DMTF1: variants seen among roughly 807,000 people sequenced by gnomAD.
DMTF1 encodes the protein cyclin-D-binding Myb-like transcription factor 1.
DMTF1 carries 39 observed loss-of-function variants against 91.1 expected under a neutral mutation model. The observed-to-expected ratio is 0.43, with a 90% CI of 0.33 to 0.56. The LOEUF (loss-of-function observed/expected upper bound fraction) is 0.56, where lower values mean the gene tolerates loss of function less well. DMTF1 is among the 20% of genes least tolerant of loss of function. DMTF1 has a pLI of 0.05. For missense variants in DMTF1, 750 were observed against 914.5 expected (o/e 0.82, Z 2.32); for synonymous variants, 338 against 309.5 (o/e 1.09, Z -0.97).
rs1422927303 is a variant in DMTF1, at chr7:87,171,083, G to A, written c.321G>A (p.Gln107=). The A allele has an allele frequency of 6.3e-7, 1 of 1,597,612 alleles. No individual in the cohort carries two copies. The highest frequency in any genetic ancestry group is 8.6e-7 in the Non-Finnish European group (1 of 1,166,118). The change falls in exon 5 of 18, where the codon CAG becomes CAA. Residue 107 remains glutamine (Q), a synonymous_variant. Transcript: ENST00000331242. ...AGGTTACTGAGGGGACTGTGACACA[G>A]ATACAGGTATAGTAAATCTTTTAAC... ...DDEVTEGTVT[Q]IQILQNEQLD...
intron 6 of DMTF1, among the ~76,000 whole-genome samples, chr7:87,174,233 C>T (rs567240049): frequency 6.6e-6 from 1 of 152,226 alleles, no homozygotes; most frequent in Admixed American, 6.5e-5. Flanking sequence ...GTTCTTTTTG[C>T]CCATAAAATT....
chr7:87,176,942 G>C (rs1272623073), intron 7 of DMTF1, among the ~76,000 whole-genome samples: 1 of 152,102 alleles, frequency 6.6e-6, no homozygotes, highest in Non-Finnish European at 1.5e-5. Context: ...GAGTGTGGAG[G>C]CAGGAGAATC....
chr7:87,177,087 A>G (rs1239207710), intron 7 of DMTF1, among the ~76,000 whole-genome samples: 1 of 152,070 alleles, frequency 6.6e-6, no homozygotes, highest in South Asian at 2.1e-4. Flanking sequence ...AAATTTAGAA[A>G]TTTTTTGCTG....
intron 4 of DMTF1, among the ~76,000 whole-genome samples, chr7:87,167,099 A>G (rs1794002245): frequency 6.6e-6 from 1 of 152,238 alleles, no homozygotes; most frequent in Admixed American, 6.5e-5. Flanking sequence ...ACAGAAAATT[A>G]TAATAACTTG....
chr7:87,174,563 T>C, intron 6 of DMTF1, 30 bp from the exon 7 acceptor site: 1 of 1,463,602 alleles, frequency 6.8e-7, no homozygotes, highest in Non-Finnish European at 9.5e-7. Flanking sequence ...GAGTAACATT[T>C]TTTATAACAT....
chr7:87,157,302 A>G (rs780149894), intron 1 of DMTF1, among the ~76,000 whole-genome samples: 9 of 152,126 alleles, frequency 5.9e-5, no homozygotes, highest in Non-Finnish European at 1.2e-4. Flanking sequence ...GTTTTATATC[A>G]TGTGGTCTCA....
intron 10 of DMTF1, among the ~76,000 whole-genome samples, chr7:87,183,760 CAGAG>C (rs757159880): frequency 2.1e-5 from 3 of 140,980 alleles, no homozygotes; most frequent in African/African-American, 5.4e-5. Flanking sequence ...AAGAAAAAGA[CAGAG>C]AGGAACATTT....
At position 87,191,001 on chromosome 7, in the gene DMTF1, A is replaced by T; in HGVS notation, c.1468A>T (p.Thr490Ser). ...DSETITLNSG[T>S]LQTFEILPSF... ...AGAAACAATAACACTAAACAGTGGA[A>T]CACTACAGACATTTGAGATTCTTCC... Residue 490 changes from threonine to serine, a missense_variant, in exon 14 of 18, where the codon ACA becomes TCA. Physicochemically the swap from Thr to Ser is moderately conservative, Grantham distance 58. Around this residue, in one of 3 missense-constraint regions of DMTF1, gnomAD observed 410 missense variants for 420.2 expected, o/e 0.98. Coordinates refer to ENST00000331242, the MANE Select transcript of DMTF1 (RefSeq NM_001142327.2). 6.2e-7 allele frequency: 1 copy of T among 1,607,874 alleles called. No homozygotes were observed. The highest frequency in any genetic ancestry group is 1.1e-5 in the South Asian group (1 of 90,292).
chr7:87,161,826 A>G (rs1210364731), intron 1 of DMTF1, among the ~76,000 whole-genome samples: 1 of 152,246 alleles, frequency 6.6e-6, no homozygotes, highest in African/African-American at 2.4e-5. Context: ...AAAAATAACT[A>G]TTGGCAAGAT....
At position 87,179,657 on chromosome 7, in the gene DMTF1, A is replaced by G; in HGVS notation, c.632A>G (p.Tyr211Cys). 6.3e-7 allele frequency: 1 copy of G among 1,585,478 alleles called. No homozygotes were observed. Among genetic ancestry groups the G allele is most frequent in the South Asian group, 1.2e-5 (1 of 84,894 alleles). Residue 211 changes from tyrosine (Y) to cysteine (C), a missense_variant, in exon 8 of 18, where the codon TAT (tyrosine) becomes TGT (cysteine). Physicochemically the swap from Tyr to Cys is radical, Grantham distance 194. This residue lies in a region of DMTF1 where 190 missense variants were observed against 343.8 expected (regional missense o/e 0.55). Transcript: ENST00000331242. The part of the protein sequence containing the change: ...WGLNRPLFAV[Y>C]RRVLRMYDDR... The stretch of plus-strand genomic sequence containing the variant: ...CTGAACCGGCCTTTGTTTGCAGTTT[A>G]TAGAAGAGTGCTTCGCATGTATGAT...
intron 4 of DMTF1, among the ~76,000 whole-genome samples, chr7:87,170,109 T>C (rs1173832084): frequency 6.6e-6 from 1 of 152,214 alleles, no homozygotes; most frequent in Non-Finnish European, 1.5e-5. Context: ...ATTCTTCCAG[T>C]AGTTTTGATT....
In DMTF1 at chr7:87,195,203, A is replaced by G. The variant is rs1304877906; in HGVS notation, c.*63A>G. 25 of 1,183,976 alleles carry G rather than the reference A, an allele frequency of 2.1e-5. No homozygotes were observed. In the South Asian group the frequency reaches 2.8e-4, roughly 13 times the overall value. 73.3% of individuals were successfully genotyped at this position (1,183,976 alleles called of 1,614,324 possible). The stretch of plus-strand genomic sequence containing the variant: ...CACACTGTTAATTACAACCTCTTCA[A>G]AGAAATAGGAGCAACCCCCAAGAGG... On this transcript the variant is annotated 3_prime_UTR_variant, in exon 18 of 18. Transcript: ENST00000331242.
chr7:87,182,077 A>AG, intron 9 of DMTF1, 151 bp from the exon 10 acceptor site: 2 of 1,538,938 alleles, frequency 1.3e-6, no homozygotes, highest in Non-Finnish European at 8.7e-7. Flanking sequence ...CCCCAAAAAA[A>AG]GGCCACACTT....
In DMTF1 at chr7:87,191,036, C is replaced by T. The variant is rs779130829; in HGVS notation, c.1494+9C>T. 14 of 1,550,284 alleles carry T rather than the reference C, an allele frequency of 9.0e-6. No homozygotes were observed. Among genetic ancestry groups the T allele is most frequent in the South Asian group, 4.6e-5 (4 of 87,090 alleles). ...CATTTGAGATTCTTCCCGTGAGTAACGCTTCATATATATTGGCCATTTTTA... is the reference window on the plus strand; with the variant it reads ...CATTTGAGATTCTTCCCGTGAGTAATGCTTCATATATATTGGCCATTTTTA... On this transcript the variant is annotated intron_variant, in intron 14 of 17. Transcript: ENST00000331242.
At chr7:87,156,015 A>G (rs1021045712) in intron 1 of DMTF1, among the ~76,000 whole-genome samples, 5 of 152,144 alleles carry the variant, frequency 3.3e-5, no homozygotes, top group African/African-American at 9.7e-5. Flanking sequence ...TTAGTATCTA[A>G]TGAGTAAATG....
chr7:87,152,887 G>C (rs575138400), intron 1 of DMTF1: 1 of 154,880 alleles, frequency 6.5e-6, no homozygotes, highest in African/African-American at 2.4e-5. Flanking sequence ...CGGGACCCCT[G>C]GGGGGTGGGG....
chr7:87,159,416 T>C (rs1331239587), intron 1 of DMTF1, among the ~76,000 whole-genome samples: 1 of 137,156 alleles, frequency 7.3e-6, no homozygotes, highest in Non-Finnish European at 1.6e-5. Context: ...AATAGAATTT[T>C]CACATCTATT....
chr7:87,186,701 G>C (rs1798533315), intron 12 of DMTF1: 1 of 152,208 alleles, frequency 6.6e-6, no homozygotes, highest in Admixed American at 6.5e-5. Flanking sequence ...GTAACATGCT[G>C]TAAGGGTTTG....
chr7:87,165,281 ACTT>A (rs5885573), intron 3 of DMTF1, among the ~76,000 whole-genome samples: 101,238 of 151,698 alleles, frequency 0.67, 34,482 homozygotes, highest in Middle Eastern at 0.78. Context: ...TATAATATAT[ACTT>A]CTTTTTTTAT....
Sources: allele counts gnomAD v4.1 joint callset (sites outside exome capture counted in the v4.1 genomes callset), GRCh38; gene constraint gnomAD v4.1.1; regional missense constraint gnomAD v4.1.1; transcripts MANE v1.5; gene names NCBI Gene and HGNC (gene_info 2026-07-23, HGNC 2026-07-21).